Variants in MICOS10 observed in about 807,000 individuals in gnomAD.
MICOS10 encodes the protein mitochondrial contact site and cristae organizing system subunit 10.
A neutral mutation model predicts 13.4 loss-of-function variants in MICOS10; 5 were observed. The ratio of observed to expected loss-of-function variants is 0.37; its 90% CI spans 0.20 to 0.78. MICOS10 has a LOEUF of 0.78. Ranked by LOEUF, MICOS10 falls within the 30% of genes least tolerant of loss-of-function variation. MICOS10 has a pLI of 0.47. For synonymous variants in MICOS10, 35 were observed against 33.6 expected (o/e 1.04, Z -0.15); for missense variants, 101 against 94.6 (o/e 1.07, Z -0.28).
chr1:19,603,212 T>G (rs1222947312), intron 1 of MICOS10, among the ~76,000 whole-genome samples: 1 of 152,042 alleles, frequency 6.6e-6, no homozygotes, highest in Non-Finnish European at 1.5e-5. Flanking sequence ...ATGCCTGTAA[T>G]CTCAGCTACT....
At chr1:19,617,284 G>A (rs1437508200) in intron 1 of MICOS10, 1 of 985,164 alleles carries the variant, frequency 1.0e-6, no homozygotes, top group Non-Finnish European at 1.2e-6. Context: ...GTCCACCCGA[G>A]AAATCCCTGC....
chr1:19,597,297 G>A (rs149815338), intron 1 of MICOS10, among the ~76,000 whole-genome samples, 188 bp downstream of exon 1: 1 of 152,236 alleles, frequency 6.6e-6, no homozygotes, highest in African/African-American at 2.4e-5. Context: ...ACAGACCCGA[G>A]GAGCCGGAGC....
chr1:19,624,988 G>A (rs2094917038), intron 3 of MICOS10, among the ~76,000 whole-genome samples: 1 of 152,184 alleles, frequency 6.6e-6, no homozygotes, highest in Admixed American at 6.5e-5. Context: ...TAGAATCACT[G>A]TGAACGGGGC....
In MICOS10 at chr1:19,602,343, TC is replaced by T. The variant is rs539758120; in HGVS notation, c.64+5235del. On this transcript the variant is annotated intron_variant, in intron 1 of 3. Transcript: ENST00000322753. Reference sequence around the variant, plus strand: ...CCAAGTAAAGTAGATTTCTGCCCGTTCACATGTTTGATCATGTATCCTTGTG... The same window carrying T: ...CCAAGTAAAGTAGATTTCTGCCCGTTACATGTTTGATCATGTATCCTTGTG... 2.9e-3 allele frequency among the ~76,000 whole-genome samples: 448 copies of T among 152,354 alleles called. 6 individuals are homozygous for T. Among genetic ancestry groups the T allele is most frequent in the African/African-American group, 0.01 (430 of 41,586 alleles).
At chr1:19,621,086 C>T (rs1029639466) in intron 1 of MICOS10, among the ~76,000 whole-genome samples, 2 of 152,204 alleles carry the variant, frequency 1.3e-5, no homozygotes, top group Non-Finnish European at 2.9e-5. Context: ...TACTGTCTTA[C>T]TCATCTTCCA....
At chr1:19,599,312 C>G (rs957115924) in intron 1 of MICOS10, among the ~76,000 whole-genome samples, 1 of 152,088 alleles carries the variant, frequency 6.6e-6, no homozygotes, top group African/African-American at 2.4e-5. Flanking sequence ...CATCCTCAGC[C>G]TCCCAAAGTG....
chr1:19,612,928 T>A (rs980279431), intron 1 of MICOS10, among the ~76,000 whole-genome samples: 45 of 152,208 alleles, frequency 3.0e-4, no homozygotes, highest in African/African-American at 1.0e-3. Context: ...TCTTTGTCCG[T>A]GAGGCTTTTT....
Position 19,625,086 on chromosome 1 carries a change from C to G in MICOS10, c.223-1301C>G, listed in dbSNP as rs1056260011. On this transcript the variant is annotated intron_variant, in intron 3 of 3. Coordinates refer to ENST00000322753, the MANE Select transcript of MICOS10 (RefSeq NM_001032363.4). The stretch of plus-strand genomic sequence containing the variant: ...CTTCCTGTGTGATCTTAAGTTGTTT[C>G]ACTTCTGAGCTTCCATTTTCCTCCA... Among the ~76,000 whole-genome samples the G allele has an allele frequency of 2.0e-4, 30 of 152,202 alleles. 2 individuals carry two copies. The highest frequency in any genetic ancestry group is 1.9e-3 in the Admixed American group (29 of 15,278).
chr1:19,601,958 TAA>T (rs1326691168), intron 1 of MICOS10, among the ~76,000 whole-genome samples: 1 of 152,264 alleles, frequency 6.6e-6, no homozygotes, highest in African/African-American at 2.4e-5. Flanking sequence ...AGTTCATCTA[TAA>T]AGTTTGACAT....
chr1:19,619,792 A>C (rs1446700200), intron 1 of MICOS10, among the ~76,000 whole-genome samples: 1 of 152,224 alleles, frequency 6.6e-6, no homozygotes, highest in Non-Finnish European at 1.5e-5. Flanking sequence ...TTAGAGGAGT[A>C]TGTGCCAATT....
At chr1:19,616,608 A>G (rs995160795) in intron 1 of MICOS10, among the ~76,000 whole-genome samples, 7 of 152,220 alleles carry the variant, frequency 4.6e-5, no homozygotes, top group Admixed American at 1.3e-4. Flanking sequence ...GCAGAGTAAC[A>G]TAGTCATAAA....
chr1:19,614,713 C>A (rs1483405475), intron 1 of MICOS10: 2 of 152,208 alleles, frequency 1.3e-5, no homozygotes, highest in Non-Finnish European at 2.9e-5. Flanking sequence ...GAAGAGTCTT[C>A]CTAGAGCAGA....
At chr1:19,601,215 TC>T (rs1435520518) in intron 1 of MICOS10, 30 of 350,038 alleles carry the variant, frequency 8.6e-5, no homozygotes, top group African/African-American at 5.1e-4. Flanking sequence ...TAGAAAATTA[TC>T]ATATGATTTT....
At chr1:19,604,961 T>C (rs2100255568) in intron 1 of MICOS10, among the ~76,000 whole-genome samples, 1 of 152,330 alleles carries the variant, frequency 6.6e-6, no homozygotes, top group Non-Finnish European at 1.5e-5. Context: ...CCATCACTTA[T>C]TGAGCACTTA....
Position 19,597,060 on chromosome 1 carries a change from G to C in MICOS10, c.15G>C (p.Glu5Asp). ...GGGTGGGGAACATGTCTGAGTCGGAGCTCGGCAGGAAGTGGGACCGGTGTC... is the reference window on the plus strand; with the variant it reads ...GGGTGGGGAACATGTCTGAGTCGGACCTCGGCAGGAAGTGGGACCGGTGTC... MSES[E>D]LGRKWDRCLA... Residue 5 changes from glutamate (E) to aspartate (D), a missense_variant, in exon 1 of 4, where the codon GAG becomes GAC. By Grantham distance (45) the Glu-to-Asp change is conservative. Coordinates refer to ENST00000322753, the MANE Select transcript of MICOS10 (RefSeq NM_001032363.4). The C allele has an allele frequency of 6.3e-7, 1 of 1,592,494 alleles. No homozygotes were observed. Among genetic ancestry groups the C allele is most frequent in the Non-Finnish European group, 8.5e-7 (1 of 1,171,948 alleles).
chr1:19,625,821 C>T (rs1197328210), intron 3 of MICOS10, among the ~76,000 whole-genome samples: 5 of 152,142 alleles, frequency 3.3e-5, no homozygotes, highest in African/African-American at 4.8e-5. Context: ...GTCTGTGCCT[C>T]GATGTTGTCA....
At chr1:19,603,713 A>G (rs116249826) in intron 1 of MICOS10, among the ~76,000 whole-genome samples, 193 of 152,366 alleles carry the variant, frequency 1.3e-3, no homozygotes, top group African/African-American at 4.2e-3. Flanking sequence ...GTCAGGTTGT[A>G]TGGCAACTCT....
chr1:19,608,164 C>T (rs528108259), intron 1 of MICOS10: 49 of 1,276,250 alleles, frequency 3.8e-5, no homozygotes, highest in South Asian at 1.5e-4. Context: ...TCATCAACCT[C>T]GGACCTCAGG....
At chr1:19,600,863 C>T (rs1050333590) in intron 1 of MICOS10, 5 of 1,285,952 alleles carry the variant, frequency 3.9e-6, no homozygotes, top group East Asian at 5.6e-5. Context: ...GGCCTCCCAA[C>T]GTGCCAGGAT....
Sources: allele counts gnomAD v4.1 joint callset (sites outside exome capture counted in the v4.1 genomes callset), GRCh38; gene constraint gnomAD v4.1.1; transcripts MANE v1.5; gene names NCBI Gene and HGNC (gene_info 2026-07-23, HGNC 2026-07-21).